The following NRXN1 variants were observed in gnomAD, a reference collection of about 807,000 sequenced individuals.
NRXN1 encodes the protein neurexin 1.
Under a neutral mutation model 150.9 loss-of-function variants are expected in NRXN1, and 39 were observed. That is an observed-to-expected ratio of 0.26 (90% confidence interval 0.20 to 0.34). The LOEUF (loss-of-function observed/expected upper bound fraction) is 0.34, where lower values mean the gene tolerates loss of function less well. NRXN1 is among the 10% of genes least tolerant of loss of function. NRXN1 has a pLI of 1.00. For missense variants in NRXN1, 1,815 were observed against 1,949.9 expected, an observed-to-expected ratio of 0.93 and a Z score of 1.30; for synonymous variants, 924 against 757.0, an observed-to-expected ratio of 1.22 and a Z score of -3.62.
intron 18 of NRXN1, among the ~76,000 whole-genome samples, chr2:50,104,418 G>C (rs1558886017): frequency 1.3e-5 from 2 of 151,982 alleles, no homozygotes; most frequent in Non-Finnish European, 1.5e-5. Flanking sequence ...AATGCACTGA[G>C]AGATTAATCA....
chr2:50,157,224 T>C (rs17040024), intron 18 of NRXN1, among the ~76,000 whole-genome samples: 11,369 of 151,998 alleles, frequency 0.075, 1,501 homozygotes, highest in African/African-American at 0.26. Flanking sequence ...AGGTAAGATA[T>C]GCATGCATTC....
At chr2:50,620,709 C>T (rs1679857946) in intron 7 of NRXN1, among the ~76,000 whole-genome samples, 1 of 152,114 alleles carries the variant, frequency 6.6e-6, no homozygotes, top group East Asian at 1.9e-4. Context: ...GCAAAACAAC[C>T]AGTAGAAGCG....
intron 5 of NRXN1, among the ~76,000 whole-genome samples, chr2:50,649,323 C>T (rs187080759): frequency 5.3e-5 from 8 of 150,928 alleles, no homozygotes; most frequent in Non-Finnish European, 8.9e-5. Context: ...TTACTGAATA[C>T]GCCAGAGCTG....
At chr2:50,541,477 G>A (rs1381782926) in intron 9 of NRXN1, among the ~76,000 whole-genome samples, 1 of 152,190 alleles carries the variant, frequency 6.6e-6, no homozygotes, top group Non-Finnish European at 1.5e-5. Context: ...AGTAAGGATG[G>A]AGTAACTGTG....
chr2:50,198,523 A>T (rs2061922170), intron 18 of NRXN1, among the ~76,000 whole-genome samples: 1 of 152,182 alleles, frequency 6.6e-6, no homozygotes, highest in South Asian at 2.1e-4. Flanking sequence ...TAACTGAAGA[A>T]ATATAGTTCC....
chr2:50,925,001 T>G (rs1003697696), intron 3 of NRXN1, among the ~76,000 whole-genome samples: 7 of 151,926 alleles, frequency 4.6e-5, no homozygotes, highest in South Asian at 2.1e-4. Flanking sequence ...AATATGGTAG[T>G]AAAATAAAAT....
intron 18 of NRXN1, among the ~76,000 whole-genome samples, chr2:50,126,681 G>C (rs1293793661): frequency 1.3e-5 from 2 of 151,920 alleles, no homozygotes; most frequent in East Asian, 3.9e-4. Flanking sequence ...TTCTTCAAGA[G>C]AACATCTCAT....
rs760819947 is a variant in NRXN1, at chr2:50,236,769, C to T, written c.3546+20G>A. 4 of 1,610,326 alleles carry T rather than the reference C, an allele frequency of 2.5e-6. No individual in the cohort carries two copies. Among genetic ancestry groups the T allele is most frequent in the African/African-American group, 1.3e-5 (1 of 74,744 alleles). On this transcript the variant is annotated intron_variant, in intron 18 of 22. Transcript: ENST00000401669. ...TAACAGTAAAAAGTAAAAGCTGAAT[C>T]TTATGCAAAAAGTACTTACTATATG... is the stretch of plus-strand genomic sequence containing the variant.
chr2:50,103,272 T>C (rs1573928098), intron 18 of NRXN1, among the ~76,000 whole-genome samples: 3 of 152,222 alleles, frequency 2.0e-5, no homozygotes, highest in Non-Finnish European at 1.5e-5. Flanking sequence ...GTGGAATGTC[T>C]TGTTAACTTA....
intron 17 of NRXN1, among the ~76,000 whole-genome samples, chr2:50,250,873 T>C (rs2066971908): frequency 2.0e-5 from 3 of 151,704 alleles, no homozygotes; most frequent in South Asian, 2.1e-4. Context: ...CATTTACCTA[T>C]GTAATAGATA....
intron 17 of NRXN1, among the ~76,000 whole-genome samples, chr2:50,378,757 G>A (rs10165674): frequency 0.28 from 41,962 of 152,014 alleles, 6,804 homozygotes; most frequent in East Asian, 0.5. Flanking sequence ...ATTCTGAAAA[G>A]TGATTATAAA....
chr2:50,898,748 C>T, intron 5 of NRXN1: 2 of 299,076 alleles, frequency 6.7e-6, no homozygotes, highest in Admixed American at 4.6e-5. Flanking sequence ...TTTGAAAATA[C>T]ATTTAAATAA....
At chr2:50,442,368 A>G (rs2086030383) in intron 17 of NRXN1, among the ~76,000 whole-genome samples, 3 of 152,224 alleles carry the variant, frequency 2.0e-5, no homozygotes, top group African/African-American at 7.2e-5. Context: ...ATTAGATGCC[A>G]CACATATCCT....
chr2:50,771,414 G>A (rs1702998095), intron 5 of NRXN1, among the ~76,000 whole-genome samples: 1 of 152,040 alleles, frequency 6.6e-6, no homozygotes, highest in African/African-American at 2.4e-5. Context: ...AATAACACAT[G>A]ATACTTTTTA....
At position 50,019,645 on chromosome 2, in the gene NRXN1, A is replaced by AAAAAAAAC. The variant is rs1687206257; in HGVS notation, c.4128+33625_4128+33626insGTTTTTTT. Reference sequence around the variant, plus strand: ...AGAAGGAGCAAGATTCCGTCTCAAAAAAAAAAAAAAAAAAAAGGAGGCTGG... The same window carrying AAAAAAAAC: ...AGAAGGAGCAAGATTCCGTCTCAAAAAAAAAAACAAAAAAAAAAAAAAAAGGAGGCTGG... On this transcript the variant is annotated intron_variant, in intron 21 of 22. Transcript: ENST00000401669. 1.5e-5 allele frequency among the ~76,000 whole-genome samples: 2 copies of AAAAAAAAC among 133,970 alleles called. 1 individual carries two copies. Among genetic ancestry groups the AAAAAAAAC allele is most frequent in the African/African-American group, 5.6e-5 (2 of 35,566 alleles). 87.9% of individuals were successfully genotyped at this position (133,970 alleles called of 152,430 possible).
intron 17 of NRXN1, among the ~76,000 whole-genome samples, chr2:50,449,540 G>C: frequency 6.6e-6 from 1 of 152,106 alleles, no homozygotes; most frequent in African/African-American, 2.4e-5. Context: ...TAGGTGTGTG[G>C]GGGAGGGAAG....
At chr2:50,750,535 T>C (rs1233986475) in intron 5 of NRXN1, among the ~76,000 whole-genome samples, 2 of 152,032 alleles carry the variant, frequency 1.3e-5, no homozygotes, top group East Asian at 1.9e-4. Context: ...GACACATGTA[T>C]ACATATGTAA....
At chr2:50,462,044 C>T (rs2088280410) in intron 17 of NRXN1, among the ~76,000 whole-genome samples, 1 of 151,970 alleles carries the variant, frequency 6.6e-6, no homozygotes, top group East Asian at 1.9e-4. Context: ...TTGAGGTCCA[C>T]GAATTCCACA....
chr2:50,157,307 T>G (rs2059081085), intron 18 of NRXN1, among the ~76,000 whole-genome samples: 2 of 152,034 alleles, frequency 1.3e-5, no homozygotes, highest in South Asian at 4.1e-4. Flanking sequence ...GCGTCTTAAC[T>G]TTAAGCGTTT....
Sources: gnomAD v4.1 joint callset for allele counts (sites outside exome capture counted in the v4.1 genomes callset) on GRCh38, gnomAD v4.1.1 for gene constraint, MANE v1.5 for transcripts, NCBI Gene and HGNC (gene_info 2026-07-23, HGNC 2026-07-21) for gene names.